Variants in ABCC5 observed in about 807,000 individuals in gnomAD.
ABCC5 encodes ATP-binding cassette sub-family C member 5.
Under a neutral mutation model 160.9 loss-of-function variants are expected in ABCC5, and 61 were observed. That is an observed-to-expected ratio of 0.38 (90% confidence interval 0.31 to 0.47). ABCC5 has a LOEUF of 0.47. Among genes scored for constraint, ABCC5 ranks in the 20% least tolerant of loss-of-function variants. ABCC5 has a pLI of 0.99. For missense variants in ABCC5, 1,308 were observed against 1,813.3 expected (o/e 0.72, Z 5.06); for synonymous variants, 666 against 700.6 (o/e 0.95, Z 0.78).
intron 26 of ABCC5, among the ~76,000 whole-genome samples, chr3:183,929,104 C>A (rs890061478): frequency 1.3e-5 from 2 of 152,070 alleles, no homozygotes; most frequent in African/African-American, 4.8e-5. Flanking sequence ...CGGCAAATAT[C>A]CTTCTAGATT....
Position 183,963,312 on chromosome 3 carries a change from C to T in ABCC5, c.2235+73G>A. ...ATTTCTAGTTATAACACAAGGATACCTGGAGCAAACCTACCTCCCTGTTTC... is the reference window on the plus strand; with the variant it reads ...ATTTCTAGTTATAACACAAGGATACTTGGAGCAAACCTACCTCCCTGTTTC... On this transcript the variant is annotated intron_variant, in intron 15 of 29. Coordinates refer to ENST00000334444, the MANE Select transcript of ABCC5 (RefSeq NM_005688.4). The surrounding 1 kb of genome is among the most constrained non-coding windows in gnomAD (Gnocchi z 4.6). The T allele has an allele frequency of 6.6e-7, 1 of 1,512,958 alleles. No homozygotes were observed. Among genetic ancestry groups the T allele is most frequent in the Non-Finnish European group, 9.2e-7 (1 of 1,089,148 alleles). 93.7% of individuals were successfully genotyped at this position (1,512,958 alleles called of 1,614,324 possible). A position where few individuals can be genotyped will look rare whatever the true frequency, so the allele number is the denominator to read the frequency against.
chr3:183,980,181 T>C (rs1285020754), intron 8 of ABCC5, among the ~76,000 whole-genome samples: 1 of 152,206 alleles, frequency 6.6e-6, no homozygotes, highest in Non-Finnish European at 1.5e-5. Flanking sequence ...GGCAAATACT[T>C]AATTCTTCTA....
intron 10 of ABCC5, among the ~76,000 whole-genome samples, chr3:183,972,248 G>T (rs1485148129): frequency 6.6e-6 from 1 of 152,108 alleles, no homozygotes; most frequent in Non-Finnish European, 1.5e-5. Flanking sequence ...TTGTTCTAAG[G>T]AGTAGTAAAA....
chr3:183,979,993 G>A lies in ABCC5; in HGVS notation c.1148-1342C>T, dbSNP rs552746199. Among the ~76,000 whole-genome samples, 110 of 151,880 alleles carry A rather than the reference G, an allele frequency of 7.2e-4. 1 individual carries two copies. The Middle Eastern group carries it at 0.017, about 24-fold the overall frequency. ...TGGGTTCAAGTGATCCTCCTGCCTC[G>A]GCCTCTTGAGTAGCTAGGATTACAG... On this transcript the variant is annotated intron_variant, in intron 8 of 29. Coordinates refer to ENST00000334444, the MANE Select transcript of ABCC5 (RefSeq NM_005688.4).
At chr3:183,991,569 T>C (rs1265613523) in intron 2 of ABCC5, among the ~76,000 whole-genome samples, 1 of 152,200 alleles carries the variant, frequency 6.6e-6, no homozygotes, top group Non-Finnish European at 1.5e-5. Context: ...CACAGTTAAG[T>C]ATCTTTAGAT....
At chr3:183,980,723 T>G (rs943695988) in intron 8 of ABCC5, among the ~76,000 whole-genome samples, 13 of 151,896 alleles carry the variant, frequency 8.6e-5, no homozygotes, top group South Asian at 4.2e-4. Flanking sequence ...TGTTTTTTTT[T>G]TTTTTTTTTG....
chr3:183,975,159 A>G (rs1193077241), intron 10 of ABCC5, among the ~76,000 whole-genome samples: 6 of 152,174 alleles, frequency 3.9e-5, no homozygotes, highest in African/African-American at 1.4e-4. Flanking sequence ...GCTGCCTTAG[A>G]TGGTCCCCCA....
intron 17 of ABCC5, among the ~76,000 whole-genome samples, chr3:183,956,457 G>T (rs1200897858): frequency 6.6e-6 from 1 of 151,264 alleles, no homozygotes; most frequent in Admixed American, 6.6e-5. Flanking sequence ...AATCACATCG[G>T]TTACATGCGG....
At chr3:183,939,317 C>T (rs1045536228) in intron 25 of ABCC5, among the ~76,000 whole-genome samples, 4 of 152,130 alleles carry the variant, frequency 2.6e-5, no homozygotes, top group Admixed American at 2.6e-4. Flanking sequence ...CCTGTAATCC[C>T]AGGTACTTGG....
chr3:183,988,867 C>A lies in ABCC5; in HGVS notation c.288-140G>T. The A allele has an allele frequency of 9.1e-7, 1 of 1,095,166 alleles. No homozygotes were observed. The highest frequency in any genetic ancestry group is 1.3e-6 in the Non-Finnish European group (1 of 786,634). 67.8% of individuals were successfully genotyped at this position (1,095,166 alleles called of 1,614,324 possible). A position where few individuals can be genotyped will look rare whatever the true frequency, so the allele number is the denominator to read the frequency against. On this transcript the variant is annotated intron_variant, in intron 3 of 29. Coordinates refer to ENST00000334444, the MANE Select transcript of ABCC5 (RefSeq NM_005688.4). The surrounding 1 kb of genome is among the most constrained non-coding windows in gnomAD (Gnocchi z 4.4). ...ATGATCTAATCTTAGCCTGAATGTT[C>A]TAAAACGGCTTTGATGGGCCGGGCG...
chr3:183,963,503 T>C lies in ABCC5; in HGVS notation c.2117A>G (p.Tyr706Cys). 1 of 1,614,224 alleles carries C rather than the reference T, an allele frequency of 6.2e-7. No homozygotes were observed. The highest frequency in any genetic ancestry group is 8.5e-7 in the Non-Finnish European group (1 of 1,180,042). The change falls in exon 15 of 30, where the codon TAC (tyrosine) becomes TGC (cysteine). Residue 706 changes from tyrosine (Y) to cysteine (C), a missense_variant. Tyr to Cys is a radical substitution (Grantham distance 194). Coordinates refer to ENST00000334444, the MANE Select transcript of ABCC5 (RefSeq NM_005688.4). This position sits in a 1 kb window ranked among gnomAD's most constrained non-coding sequence, Gnocchi z 4.6. ...ARALYSDRSI[Y>C]ILDDPLSALD... ...GGCACTGAGGGGGTCGTCCAGGATG[T>C]AGATGCTCCTGTCACTATACAAGGC...
At chr3:183,944,699 T>C (rs954595887) in intron 24 of ABCC5, among the ~76,000 whole-genome samples, 3 of 152,210 alleles carry the variant, frequency 2.0e-5, no homozygotes, top group African/African-American at 4.8e-5. Flanking sequence ...CACAAATTCG[T>C]CAACTTTCTT....
Position 184,014,291 on chromosome 3 carries a change from T to A in ABCC5, c.102A>T (p.Glu34Asp), listed in dbSNP as rs1384873626. Residue 34 changes from glutamate to aspartate, a missense_variant, in exon 2 of 30, where the codon GAA (glutamate) becomes GAT (aspartate). Physicochemically the swap from Glu to Asp is conservative, Grantham distance 45. Around this residue, in one of 3 missense-constraint regions of ABCC5, gnomAD observed 1,142 missense variants for 1,527.1 expected, o/e 0.75. Transcript: ENST00000334444. ...GTCGAGTTCTCCTGAACTTGGAATCTTCACGGTCTCTGTGCGTCCCAGAAG... is the reference window on the plus strand; with the variant it reads ...GTCGAGTTCTCCTGAACTTGGAATCATCACGGTCTCTGTGCGTCCCAGAAG... ...TSTSGTHRDREDSKFRRTRPL... is the reference protein window; with the variant it reads ...TSTSGTHRDRDDSKFRRTRPL... 7 of 1,614,084 alleles carry A rather than the reference T, an allele frequency of 4.3e-6. No homozygotes were observed. The highest frequency in any genetic ancestry group is 1.7e-5 in the Admixed American group (1 of 60,008).
chr3:183,930,254 C>T (rs1008352655), intron 26 of ABCC5, among the ~76,000 whole-genome samples: 1 of 152,368 alleles, frequency 6.6e-6, no homozygotes, highest in African/African-American at 2.4e-5. Context: ...AGTGAGAGGA[C>T]AGCAGGCCGG....
Position 183,951,700 on chromosome 3 carries a change from G to C in ABCC5, c.2815-130C>G. 1 of 1,467,558 alleles carries C rather than the reference G, an allele frequency of 6.8e-7. No individual in the cohort carries two copies. The highest frequency in any genetic ancestry group is 1.3e-5 in the South Asian group (1 of 78,366). 90.9% of individuals were successfully genotyped at this position (1,467,558 alleles called of 1,614,324 possible). A position where few individuals can be genotyped will look rare whatever the true frequency, so the allele number is the denominator to read the frequency against. ...AGGGGTCAGGAGGGACAGGTGGCAA[G>C]TGAGAAAAGGTGGAGGCTAACGGAA... On this transcript the variant is annotated intron_variant, in intron 19 of 29. Coordinates refer to ENST00000334444, the MANE Select transcript of ABCC5 (RefSeq NM_005688.4). The surrounding 1 kb of genome is among the most constrained non-coding windows in gnomAD (Gnocchi z 4.7).
chr3:183,948,893 A>G (rs1450045646), intron 22 of ABCC5, among the ~76,000 whole-genome samples: 1 of 151,762 alleles, frequency 6.6e-6, no homozygotes, highest in African/African-American at 2.4e-5. Context: ...TAGTAGAGAC[A>G]AGGTTCCACC....
chr3:183,974,971 A>G (rs1428538450), intron 10 of ABCC5, among the ~76,000 whole-genome samples: 1 of 152,238 alleles, frequency 6.6e-6, no homozygotes, highest in Non-Finnish European at 1.5e-5. Context: ...ATGTAAAACA[A>G]GACACAGGGT....
At position 183,963,100 on chromosome 3, in the gene ABCC5, A is replaced by C. The variant is rs949219296; in HGVS notation, c.2235+285T>G. ...TAGAGATGTTAACACAATGCTTTCC[A>C]AACTATCTTATACCCAAACTCCATT... On this transcript the variant is annotated intron_variant, in intron 15 of 29. Transcript: ENST00000334444. This position sits in a 1 kb window ranked among gnomAD's most constrained non-coding sequence, Gnocchi z 4.6. Among the ~76,000 whole-genome samples the C allele has an allele frequency of 2.0e-5, 3 of 152,182 alleles. No homozygotes were observed. Among genetic ancestry groups the C allele is most frequent in the Non-Finnish European group, 4.4e-5 (3 of 68,030 alleles).
intron 26 of ABCC5, 119 bp downstream of exon 26, chr3:183,937,782 G>T: frequency 8.9e-7 from 1 of 1,129,678 alleles, no homozygotes; most frequent in Non-Finnish European, 1.3e-6. Flanking sequence ...AGTGGGAAAA[G>T]CACCAGACTA....
Sources: allele counts gnomAD v4.1 joint callset (sites outside exome capture counted in the v4.1 genomes callset), GRCh38; gene constraint gnomAD v4.1.1; regional missense constraint gnomAD v4.1.1; non-coding constraint Gnocchi (gnomAD v3.1); transcripts MANE v1.5; gene names NCBI Gene and HGNC (gene_info 2026-07-23, HGNC 2026-07-21).